Variants in LRRC24 observed in about 807,000 individuals in gnomAD.
The protein encoded by LRRC24 is leucine rich repeat containing 24, also known as leucine-rich repeat-containing protein 24.
Under a neutral mutation model 15.3 loss-of-function variants are expected in LRRC24, and 19 were observed. The ratio of observed to expected loss-of-function variants is 1.25; its 90% CI spans 0.87 to 1.83. LRRC24 has a LOEUF of 1.83. Among genes scored for constraint, LRRC24 ranks in the 40% most tolerant of loss-of-function variants. LRRC24 has a pLI of 0.00. For synonymous variants in LRRC24, 469 were observed against 359.6 expected (o/e 1.30, Z -3.44); for missense variants, 914 against 723.9 (o/e 1.26, Z -3.01).
chr8:144,522,585 G>T lies in LRRC24; in HGVS notation c.1432C>A (p.Pro478Thr). ...HEMFVINRSK[P>T]LFAEGPAEAP... ...TCCGCCGGACCCTCGGCGAAGAGCG[G>T]CTTGGAGCGGTTGATGACGAACATC... The change falls in exon 5 of 5, where the codon CCG becomes ACG. Residue 478 changes from proline to threonine, a missense_variant. Transcript: ENST00000529415. 1 of 1,561,542 alleles carries T rather than the reference G, an allele frequency of 6.4e-7. No individual in the cohort carries two copies. The highest frequency in any genetic ancestry group is 2.5e-5 in the East Asian group (1 of 39,630).
Position 144,522,738 on chromosome 8 carries a change from G to A in LRRC24, c.1279C>T (p.Arg427Cys). 2 of 1,590,054 alleles carry A rather than the reference G, an allele frequency of 1.3e-6. No individual in the cohort carries two copies. The highest frequency in any genetic ancestry group is 8.5e-7 in the Non-Finnish European group (1 of 1,170,074). Reference protein sequence around the residue: ...TALLLVAMICRRRRRRKKARG... With the variant: ...TALLLVAMICCRRRRRKKARG... ...GCCTTTTTTCGCCTGCGGCGCCGGC[G>A]ACAGATCATGGCGACCAGGAGCAGC... The change falls in exon 5 of 5, where the codon CGC (arginine) becomes TGC (cysteine). Residue 427 changes from arginine (R) to cysteine (C), a missense_variant. Physicochemically the swap from Arg to Cys is radical, Grantham distance 180. Transcript: ENST00000529415.
chr8:144,524,237 C>G lies in LRRC24; in HGVS notation c.480G>C (p.Leu160=). 6.2e-7 allele frequency: 1 copy of G among 1,612,622 alleles called. No individual in the cohort carries two copies. The highest frequency in any genetic ancestry group is 8.5e-7 in the Non-Finnish European group (1 of 1,179,962). Residue 160 remains leucine (L), a synonymous_variant, in exon 4 of 5, where the codon CTG becomes CTC. Transcript: ENST00000529415. ...GCCCCGCTAGAGCCTGGTCCTCCAGCAGCTCAATGCTGTTTTCTTGCAGGT... is the reference window on the plus strand; with the variant it reads ...GCCCCGCTAGAGCCTGGTCCTCCAGGAGCTCAATGCTGTTTTCTTGCAGGT... ...ELHLQENSIE[L]LEDQALAGLS... is the part of the protein sequence containing the mutation.
Position 144,524,710 on chromosome 8 carries a change from G to A in LRRC24, c.169C>T (p.Leu57=), listed in dbSNP as rs1816291656. 6.9e-7 allele frequency: 1 copy of A among 1,457,134 alleles called. No homozygotes were observed. Among genetic ancestry groups the A allele is most frequent in the Non-Finnish European group, 9.0e-7 (1 of 1,112,900 alleles). The allele number at this position is 1,457,134 out of a possible 1,614,324, so 90.3% of individuals were successfully genotyped here. ...GIPPGTQTLF[L]QDNNIARLEP... ...AGGCGGGCGATGTTGTTGTCCTGCA[G>A]GAACAGTGTCTGCAGGCCGGGGAAA... The change falls in exon 3 of 5, where the codon CTG becomes TTG. Residue 57 remains leucine, a synonymous_variant. Coordinates refer to ENST00000529415, the MANE Select transcript of LRRC24 (RefSeq NM_001024678.4).
chr8:144,525,034 C>T lies in LRRC24; in HGVS notation c.-59-1G>A, dbSNP rs1816312493. On this transcript the variant is annotated splice_acceptor_variant, in intron 1 of 4. Coordinates refer to ENST00000529415, the MANE Select transcript of LRRC24 (RefSeq NM_001024678.4). LOFTEE classifies it low-confidence loss of function (5UTR_SPLICE). ...GGTTCAGCCGCAGACGCGTGCCCTC[C>T]TGAAACACAGGTTGGCAGGCCAGTC... 3.7e-6 allele frequency: 5 copies of T among 1,369,032 alleles called. No individual in the cohort carries two copies. The highest frequency in any genetic ancestry group is 4.7e-6 in the Non-Finnish European group (5 of 1,064,948). The allele number at this position is 1,369,032 out of a possible 1,614,324, so 84.8% of individuals were successfully genotyped here.
Position 144,524,281 on chromosome 8 carries a change from G to A in LRRC24, c.439-3C>T. On this transcript the variant is annotated splice_region_variant and splice_polypyrimidine_tract_variant and intron_variant, in intron 3 of 4. Transcript: ENST00000529415. ...TGCAGGTGAAGCTCCTGCAGTCGCTGAAGTAAGGACAGCAGATCGTGAGGA... is the reference window on the plus strand; with the variant it reads ...TGCAGGTGAAGCTCCTGCAGTCGCTAAAGTAAGGACAGCAGATCGTGAGGA... 1 of 1,611,422 alleles carries A rather than the reference G, an allele frequency of 6.2e-7. No individual in the cohort carries two copies. Among genetic ancestry groups the A allele is most frequent in the Non-Finnish European group, 8.5e-7 (1 of 1,179,926 alleles).
At chr8:144,523,866 C>T in intron 4 of LRRC24, 2 of 548,594 alleles carry the variant, frequency 3.6e-6, no homozygotes, top group Admixed American at 3.4e-5. Context: ...TAAAAGTGTG[C>T]AGAACCCTCA....
rs1409405135 is a variant in LRRC24, at chr8:144,524,611, C to G, written c.268G>C (p.Glu90Gln). ...GGCTGCGCGCGGAAGGCGCCGGCCTCCAGGGCGCGCAGGCTGTTGTTGTGC... is the reference window on the plus strand; with the variant it reads ...GGCTGCGCGCGGAAGGCGCCGGCCTGCAGGGCGCGCAGGCTGTTGTTGTGC... ...YLHNNSLRAL[E>Q]AGAFRAQPRL... is the part of the protein sequence containing the mutation. Residue 90 changes from glutamate to glutamine, a missense_variant, in exon 3 of 5, where the codon GAG (glutamate) becomes CAG (glutamine). Glu to Gln is a conservative substitution (Grantham distance 29). Coordinates refer to ENST00000529415, the MANE Select transcript of LRRC24 (RefSeq NM_001024678.4). 1 of 1,524,638 alleles carries G rather than the reference C, an allele frequency of 6.6e-7. No homozygotes were observed. 94.4% of individuals were successfully genotyped at this position (1,524,638 alleles called of 1,614,324 possible). A position where few individuals can be genotyped will look rare whatever the true frequency, so the allele number is the denominator to read the frequency against.
At chr8:144,524,026 ATG>A in intron 4 of LRRC24, 82 bp downstream of exon 4, 1 of 1,478,260 alleles carries the variant, frequency 6.8e-7, no homozygotes, top group Non-Finnish European at 9.2e-7. Flanking sequence ...CAGTTGCCTG[ATG>A]TCAGAGCCCC....
chr8:144,525,946 G>A (rs577613106), intron 1 of LRRC24: 3 of 152,168 alleles, frequency 2.0e-5, no homozygotes, highest in Non-Finnish European at 4.4e-5. Flanking sequence ...GTAAAGAAAT[G>A]GGAAGGCTGG....
rs199698941 is a variant in LRRC24, at chr8:144,524,096, C to T, written c.607+14G>A. The stretch of plus-strand genomic sequence containing the variant: ...CCGTGGCCCAGACAGAGACGCTTTC[C>T]GAGGAAGAGGTACCTGTGAGGCGCA... On this transcript the variant is annotated intron_variant, in intron 4 of 4. Transcript: ENST00000529415. 4.4e-6 allele frequency: 7 copies of T among 1,591,410 alleles called. No homozygotes were observed. In the Admixed American group the frequency reaches 1.0e-4, roughly 23 times the overall value.
In LRRC24 at chr8:144,524,255, T is replaced by C. The variant is rs1433657194; in HGVS notation, c.462A>G (p.Gln154=). The part of the protein sequence containing the change: ...HLPRLQELHL[Q]ENSIELLEDQ... ...CCTCCAGCAGCTCAATGCTGTTTTC[T>C]TGCAGGTGAAGCTCCTGCAGTCGCT... Residue 154 remains glutamine, a synonymous_variant, in exon 4 of 5, where the codon CAA becomes CAG. Coordinates refer to ENST00000529415, the MANE Select transcript of LRRC24 (RefSeq NM_001024678.4). 3 of 1,612,332 alleles carry C rather than the reference T, an allele frequency of 1.9e-6. No individual in the cohort carries two copies. The highest frequency in any genetic ancestry group is 2.5e-6 in the Non-Finnish European group (3 of 1,179,942).
At position 144,522,982 on chromosome 8, in the gene LRRC24, G is replaced by A. The variant is rs769847157; in HGVS notation, c.1035C>T (p.Cys345=). The change falls in exon 5 of 5, where the codon TGC becomes TGT. Residue 345 remains cysteine (C), a synonymous_variant. Coordinates refer to ENST00000529415, the MANE Select transcript of LRRC24 (RefSeq NM_001024678.4). ...ITLAHAGKYE[C]EASNAGGAAR... is the part of the protein sequence containing the mutation. Reference sequence around the variant, plus strand: ...CAGCGCCGCCGGCGTTGGAGGCCTCGCACTCGTACTTACCGGCGTGCGCCA... The same window carrying A: ...CAGCGCCGCCGGCGTTGGAGGCCTCACACTCGTACTTACCGGCGTGCGCCA... The A allele has an allele frequency of 2.5e-6, 4 of 1,590,952 alleles. No homozygotes were observed. In the African/African-American group the frequency reaches 4.0e-5, roughly 16 times the overall value.
chr8:144,523,223 T>G lies in LRRC24; in HGVS notation c.794A>C (p.Gln265Pro), dbSNP rs1304314703. 1 of 1,609,804 alleles carries G rather than the reference T, an allele frequency of 6.2e-7. No homozygotes were observed. The highest frequency in any genetic ancestry group is 8.5e-7 in the Non-Finnish European group (1 of 1,178,754). ...CAGGTTGGCTGTGAGCTCCAGCGGC[T>G]GCACGTGGACAGAGGGCGGAATGCA... is the stretch of plus-strand genomic sequence containing the variant. Reference protein sequence around the residue: ...LICIPPSVHVQPLELTANLGE... With the variant: ...LICIPPSVHVPPLELTANLGE... The change falls in exon 5 of 5, where the codon CAG (glutamine) becomes CCG (proline). Residue 265 changes from glutamine (Q) to proline (P), a missense_variant. By Grantham distance (76) the Gln-to-Pro change is moderately conservative. Coordinates refer to ENST00000529415, the MANE Select transcript of LRRC24 (RefSeq NM_001024678.4).
chr8:144,522,943 G>A lies in LRRC24; in HGVS notation c.1074C>T (p.Phe358=), dbSNP rs756354059. The A allele has an allele frequency of 6.4e-7, 1 of 1,560,502 alleles. No individual in the cohort carries two copies. Among genetic ancestry groups the A allele is most frequent in the Non-Finnish European group, 8.6e-7 (1 of 1,162,376 alleles). ...SNAGGAARVP[F]RLLVNASRQQ... ...GCCGGGACGCGTTGACCAGGAGCCG[G>A]AAGGGCACGCGGGCAGCGCCGCCGG... Residue 358 remains phenylalanine, a synonymous_variant, in exon 5 of 5, where the codon TTC becomes TTT. Coordinates refer to ENST00000529415, the MANE Select transcript of LRRC24 (RefSeq NM_001024678.4).
chr8:144,523,120 A>G lies in LRRC24; in HGVS notation c.897T>C (p.Pro299=), dbSNP rs748084507. ...PLVTWRKVPQ[P]REGRPRAQAQ... ...CCTGGGCTCGCGGCCGGCCCTCGCG[A>G]GGCTGGGGCACCTTTCTCCAGGTCA... The change falls in exon 5 of 5, where the codon CCT becomes CCC. Residue 299 remains proline (P), a synonymous_variant. Coordinates refer to ENST00000529415, the MANE Select transcript of LRRC24 (RefSeq NM_001024678.4). The G allele has an allele frequency of 3.1e-6, 5 of 1,609,778 alleles. No homozygotes were observed. In the Admixed American group the frequency reaches 8.4e-5, roughly 27 times the overall value.
intron 4 of LRRC24, chr8:144,523,880 C>A (rs1233440449): frequency 3.5e-6 from 2 of 574,430 alleles, no homozygotes; most frequent in Non-Finnish European, 6.1e-6. Context: ...ACCCTCAATT[C>A]TGTTAAGTCA....
chr8:144,524,533 C>T lies in LRRC24; in HGVS notation c.346G>A (p.Gly116Ser). ...TSNRLRGLRS[G>S]AFVGLAQLRV... ...AGCTGGGCCAGGCCTACGAAGGCGC[C>T]GCTGCGCAAGCCGCGCAGCCGGTTG... Residue 116 changes from glycine (G) to serine (S), a missense_variant, in exon 3 of 5, where the codon GGC becomes AGC. Physicochemically the swap from Gly to Ser is moderately conservative, Grantham distance 56. Transcript: ENST00000529415. 6.3e-7 allele frequency: 1 copy of T among 1,587,652 alleles called. No homozygotes were observed. Among genetic ancestry groups the T allele is most frequent in the Non-Finnish European group, 8.5e-7 (1 of 1,175,598 alleles).
rs779790997 is a variant in LRRC24 at position 144,524,577 on chromosome 8, A to T, written c.302T>A (p.Leu101Gln). The change falls in exon 3 of 5, where the codon CTG (leucine) becomes CAG (glutamine). Residue 101 changes from leucine to glutamine, a missense_variant. Leu to Gln is a moderately radical substitution (Grantham distance 113). Coordinates refer to ENST00000529415, the MANE Select transcript of LRRC24 (RefSeq NM_001024678.4). Reference sequence around the variant, plus strand: ...CCGGTTGCTAGTGAGCGCCAGCTCCAGCAGGCGCGGCTGCGCGCGGAAGGC... The same window carrying T: ...CCGGTTGCTAGTGAGCGCCAGCTCCTGCAGGCGCGGCTGCGCGCGGAAGGC... ...AGAFRAQPRL[L>Q]ELALTSNRLR... 6.4e-7 allele frequency: 1 copy of T among 1,551,992 alleles called. No individual in the cohort carries two copies. The highest frequency in any genetic ancestry group is 8.6e-7 in the Non-Finnish European group (1 of 1,157,796).
intron 4 of LRRC24, chr8:144,523,657 G>C (rs932268057): frequency 2.0e-6 from 1 of 493,658 alleles, no homozygotes; most frequent in Admixed American, 3.9e-5. Flanking sequence ...GTCGGTCTCT[G>C]AGAAAGCACC....
Sources: gnomAD v4.1 joint callset for allele counts on GRCh38, gnomAD v4.1.1 for gene constraint, MANE v1.5 for transcripts, NCBI Gene and HGNC (gene_info 2026-07-23, HGNC 2026-07-21) for gene names.